The following IPPK variants were observed in gnomAD, a reference collection of about 807,000 sequenced individuals.
The protein encoded by IPPK is inositol-pentakisphosphate 2-kinase.
In IPPK, 22 loss-of-function variants were observed where a neutral mutation model predicts 64.6. That is an observed-to-expected ratio of 0.34 (90% CI 0.24 to 0.49). The LOEUF is 0.49. Among genes scored for constraint, IPPK ranks in the 20% least tolerant of loss-of-function variants. IPPK has a pLI of 0.99. For missense variants in IPPK, 532 were observed against 630.7 expected (o/e 0.84, Z 1.68); for synonymous variants, 262 against 247.2 (o/e 1.06, Z -0.56).
chr9:92,644,385 G>C (rs1852108389), intron 6 of IPPK, among the ~76,000 whole-genome samples: 1 of 152,142 alleles, frequency 6.6e-6, no homozygotes, highest in South Asian at 2.1e-4. Context: ...CAATCACAGT[G>C]AAAACCAGCT....
intron 8 of IPPK, among the ~76,000 whole-genome samples, chr9:92,639,250 C>T (rs1202998045): frequency 6.6e-6 from 1 of 151,976 alleles, no homozygotes; most frequent in African/African-American, 2.4e-5. Flanking sequence ...GGTTTTGCTA[C>T]GTTGCCCAGG....
chr9:92,624,253 G>A (rs2131422111), intron 11 of IPPK, among the ~76,000 whole-genome samples: 1 of 152,288 alleles, frequency 6.6e-6, no homozygotes, highest in African/African-American at 2.4e-5. Flanking sequence ...GCTCAGGTGG[G>A]TGGATCACGA....
intron 7 of IPPK, among the ~76,000 whole-genome samples, chr9:92,641,751 C>T (rs1052728227): frequency 1.3e-5 from 2 of 152,186 alleles, no homozygotes; most frequent in African/African-American, 4.8e-5. Context: ...TGACCAGGCA[C>T]GCACTCAGAG....
intron 9 of IPPK, among the ~76,000 whole-genome samples, chr9:92,636,647 T>C (rs1276031396): frequency 3.0e-5 from 4 of 132,710 alleles, no homozygotes; most frequent in Non-Finnish European, 6.5e-5. Context: ...TCTTTAAAAA[T>C]AATTAATTTA....
chr9:92,649,587 G>A lies in IPPK; in HGVS notation c.293-13C>T. ...TCACAGCGAGACTCTGGAAAACAGA[G>A]CAAGGGTCACACAGAGCAAGGTCAG... On this transcript the variant is annotated splice_polypyrimidine_tract_variant and intron_variant, in intron 4 of 12. Coordinates refer to ENST00000287996, the MANE Select transcript of IPPK (RefSeq NM_022755.6). 1.2e-6 allele frequency: 2 copies of A among 1,613,738 alleles called. No individual in the cohort carries two copies. Among genetic ancestry groups the A allele is most frequent in the Non-Finnish European group, 1.7e-6 (2 of 1,179,802 alleles).
chr9:92,669,743 A>AG (rs200964748), intron 1 of IPPK, among the ~76,000 whole-genome samples, 165 bp downstream of exon 1: 5,187 of 68,530 alleles, frequency 0.076, 129 homozygotes, highest in Middle Eastern at 0.15. Context: ...CCCAAGCGGT[A>AG]GGGGGGGATG....
intron 6 of IPPK, 24 bp downstream of exon 6, chr9:92,648,035 C>G: frequency 3.2e-6 from 5 of 1,574,240 alleles, no homozygotes; most frequent in Non-Finnish European, 4.4e-6. Context: ...CTAGAGTAGC[C>G]CACAGCTGGG....
At chr9:92,664,253 G>C (rs1852547920) in intron 1 of IPPK, among the ~76,000 whole-genome samples, 4 of 152,254 alleles carry the variant, frequency 2.6e-5, no homozygotes. Context: ...TCCCAAGGGT[G>C]AGCTTCGCTT....
chr9:92,620,898 C>T (rs1438939197), intron 11 of IPPK, among the ~76,000 whole-genome samples: 1 of 152,232 alleles, frequency 6.6e-6, no homozygotes, highest in Non-Finnish European at 1.5e-5. Flanking sequence ...CTAGCCCCTT[C>T]AGGCTGCTAT....
At chr9:92,639,443 A>G (rs1852005690) in intron 8 of IPPK, among the ~76,000 whole-genome samples, 1 of 152,218 alleles carries the variant, frequency 6.6e-6, no homozygotes, top group Non-Finnish European at 1.5e-5. Context: ...TGGAACGCAC[A>G]GTAGGTAACA....
chr9:92,668,877 G>T (rs1463076945), intron 1 of IPPK, among the ~76,000 whole-genome samples: 1 of 152,162 alleles, frequency 6.6e-6, no homozygotes, highest in African/African-American at 2.4e-5. Context: ...CCCAGCATAG[G>T]AACAACAGAA....
rs1431915135 is a variant in IPPK, at chr9:92,631,527, G to GTA, written c.1170+2857_1170+2858dup. On this transcript the variant is annotated intron_variant, in intron 11 of 12. Coordinates refer to ENST00000287996, the MANE Select transcript of IPPK (RefSeq NM_022755.6). ...ACAATATGAGTGCAAGAACTTTTGT[G>GTA]TAGGAAGGAATGTCCTCAGCCTACT... Among the ~76,000 whole-genome samples the GTA allele has an allele frequency of 2.6e-5, 4 of 152,308 alleles. No individual in the cohort carries two copies. In the East Asian group the frequency reaches 5.8e-4, roughly 22 times the overall value.
chr9:92,618,429 C>T (rs908013440), intron 12 of IPPK: 11 of 456,688 alleles, frequency 2.4e-5, no homozygotes, highest in African/African-American at 8.0e-5. Flanking sequence ...AGGTGCTAGA[C>T]GAGGTGAGTA....
chr9:92,619,581 A>C lies in IPPK; in HGVS notation c.1171-16T>G. On this transcript the variant is annotated splice_polypyrimidine_tract_variant and intron_variant, in intron 11 of 12. Transcript: ENST00000287996. ...ACTGCTGCACCTGCAGGGGCGGGAA[A>C]GATCAGCTCCAGGTCACACAGGAAG... The C allele has an allele frequency of 1.3e-6, 2 of 1,566,564 alleles. No individual in the cohort carries two copies. The highest frequency in any genetic ancestry group is 1.7e-6 in the Non-Finnish European group (2 of 1,154,804).
chr9:92,660,847 A>C (rs757705390), intron 1 of IPPK, among the ~76,000 whole-genome samples: 4 of 152,236 alleles, frequency 2.6e-5, no homozygotes, highest in Admixed American at 2.6e-4. Flanking sequence ...CCACTCACAT[A>C]AAGTATAAGT....
intron 3 of IPPK, among the ~76,000 whole-genome samples, chr9:92,653,242 C>T (rs1287912816): frequency 1.3e-5 from 2 of 152,218 alleles, no homozygotes; most frequent in Non-Finnish European, 2.9e-5. Flanking sequence ...TTACCATCTT[C>T]CCTGTCCTCT....
At chr9:92,668,913 T>C (rs1852662667) in intron 1 of IPPK, among the ~76,000 whole-genome samples, 1 of 152,244 alleles carries the variant, frequency 6.6e-6, no homozygotes, top group Non-Finnish European at 1.5e-5. Context: ...ACTGCCTACA[T>C]CATCCCTGAC....
rs1044855369 is a variant in IPPK at position 92,670,100 on chromosome 9, T to A, written c.-112A>T. ...GGTCGGGGGAGGAGCGCCTGTCAGC[T>A]GCCGCCCCCGCTCGACCCCGCCGCG... On this transcript the variant is annotated 5_prime_UTR_variant, in exon 1 of 13. Transcript: ENST00000287996. 1 of 666,832 alleles carries A rather than the reference T, an allele frequency of 1.5e-6. No individual in the cohort carries two copies. Among genetic ancestry groups the A allele is most frequent in the Non-Finnish European group, 2.3e-6 (1 of 426,950 alleles). The allele number at this position is 666,832 out of a possible 1,614,324, so 41.3% of individuals were successfully genotyped here. A position where few individuals can be genotyped will look rare whatever the true frequency, so the allele number is the denominator to read the frequency against.
chr9:92,639,357 G>A (rs1852004106), intron 8 of IPPK, among the ~76,000 whole-genome samples: 1 of 152,170 alleles, frequency 6.6e-6, no homozygotes, highest in South Asian at 2.1e-4. Flanking sequence ...CCCACACCTG[G>A]AACTTCAGAG....
Sources: gnomAD v4.1 joint callset for allele counts (sites outside exome capture counted in the v4.1 genomes callset) on GRCh38, gnomAD v4.1.1 for gene constraint, MANE v1.5 for transcripts, NCBI Gene and HGNC (gene_info 2026-07-23, HGNC 2026-07-21) for gene names.